Variants in KIR2DL1 observed in about 807,000 individuals in gnomAD.
KIR2DL1 encodes killer cell immunoglobulin-like receptor 2DL1.
In KIR2DL1, 38 loss-of-function variants were observed where a neutral mutation model predicts 33.9. The ratio of observed to expected loss-of-function variants is 1.12; its 90% CI spans 0.86 to 1.47. The LOEUF (loss-of-function observed/expected upper bound fraction) is 1.47, where lower values mean the gene tolerates loss of function less well. Ranked by LOEUF, KIR2DL1 falls within the 40% of genes most tolerant of loss-of-function variation. The pLI, the probability that KIR2DL1 is intolerant of heterozygous loss-of-function variation, is 0.00. For missense variants in KIR2DL1, 531 were observed against 433.9 expected (o/e 1.22, Z -1.99); for synonymous variants, 179 against 165.9 (o/e 1.08, Z -0.61).
intron 5 of KIR2DL1, among the ~76,000 whole-genome samples, chr19:54,780,361 G>T (rs898925336): frequency 1.5e-5 from 2 of 133,880 alleles, no homozygotes; most frequent in African/African-American, 2.9e-5. Flanking sequence ...AGCCATGAAG[G>T]CACAAAGGTG....
In KIR2DL1 at chr19:54,770,226, G is replaced by C. The variant is rs1299374393; in HGVS notation, c.34+342G>C. Among the ~76,000 whole-genome samples the C allele has an allele frequency of 2.8e-5, 4 of 141,908 alleles. No homozygotes were observed. In the Admixed American group the frequency reaches 2.9e-4, roughly 10 times the overall value. The allele number at this position is 141,908 out of a possible 152,430, so 93.1% of individuals were successfully genotyped here. A position where few individuals can be genotyped will look rare whatever the true frequency, so the allele number is the denominator to read the frequency against. The stretch of plus-strand genomic sequence containing the variant: ...GTCATGGGCCTGGAGGTGGAGTTAT[G>C]GGCCTGCAGTAGAGATATGGGCCTG... On this transcript the variant is annotated intron_variant, in intron 1 of 7. Transcript: ENST00000336077.
At chr19:54,777,152 G>A (rs1159415163) in intron 4 of KIR2DL1, among the ~76,000 whole-genome samples, 143 of 150,922 alleles carry the variant, frequency 9.5e-4, no homozygotes, top group African/African-American at 3.0e-3. Flanking sequence ...GTGCAGTGGC[G>A]CTATCTCGGC....
chr19:54,777,834 A>G (rs1303396393), intron 4 of KIR2DL1, among the ~76,000 whole-genome samples: 1 of 148,024 alleles, frequency 6.8e-6, no homozygotes, highest in East Asian at 1.9e-4. Context: ...ATCCATTTTC[A>G]TTTGATTTTT....
At position 54,782,925 on chromosome 19, in the gene KIR2DL1, AC is replaced by A; in HGVS notation, c.724del (p.Arg242AspfsTer6). The part of the protein sequence containing the change: ...SPTEPSSKTG[N>X]PRHLHILIGT... ...TTGGTGTCTCATCTTCTTCCAGGTA[AC>A]CCCCGACACCTGCACATTCTGATTG... On this transcript the variant is annotated frameshift_variant, in exon 6 of 8. Transcript: ENST00000336077. LOFTEE classifies it high-confidence loss of function. 6.2e-7 allele frequency: 1 copy of A among 1,608,856 alleles called. No homozygotes were observed. Among genetic ancestry groups the A allele is most frequent in the South Asian group, 1.1e-5 (1 of 90,890 alleles).
chr19:54,781,736 A>T (rs2076977126), intron 5 of KIR2DL1, among the ~76,000 whole-genome samples: 2 of 152,082 alleles, frequency 1.3e-5, no homozygotes, highest in Non-Finnish European at 2.9e-5. Flanking sequence ...GGGCTTCAAC[A>T]CTATTTCCTG....
chr19:54,773,685 T>C (rs1281839870), intron 3 of KIR2DL1, 53 bp downstream of exon 3: 2 of 1,511,078 alleles, frequency 1.3e-6, no homozygotes, highest in African/African-American at 1.4e-5. Context: ...GAGTGAATGA[T>C]CCAGGAATTG....
In KIR2DL1 at chr19:54,784,064, C is replaced by T; in HGVS notation, c.*251C>T. 1.6e-6 allele frequency: 1 copy of T among 624,606 alleles called. No individual in the cohort carries two copies. The highest frequency in any genetic ancestry group is 1.9e-5 in the South Asian group (1 of 51,498). The allele number at this position is 624,606 out of a possible 1,614,324, so 38.7% of individuals were successfully genotyped here. Reference sequence around the variant, plus strand: ...CCACAGTTCTCCATTTCACTTGACCCCTGCCCACCTCTCCAACCTAACTGG... The same window carrying T: ...CCACAGTTCTCCATTTCACTTGACCTCTGCCCACCTCTCCAACCTAACTGG... On this transcript the variant is annotated 3_prime_UTR_variant, in exon 8 of 8. Coordinates refer to ENST00000336077, the MANE Select transcript of KIR2DL1 (RefSeq NM_014218.3).
In KIR2DL1 at chr19:54,783,032, C is replaced by G. The variant is rs584011; in HGVS notation, c.817+9C>G. ...GTGCTCCAACAAAAAAAGTAAGTCT[C>G]ACGAAGCAGAGGCCAGAGAGCTCAG... On this transcript the variant is annotated intron_variant, in intron 6 of 7. Coordinates refer to ENST00000336077, the MANE Select transcript of KIR2DL1 (RefSeq NM_014218.3). The G allele has an allele frequency of 6.2e-7, 1 of 1,612,380 alleles. No homozygotes were observed. The highest frequency in any genetic ancestry group is 1.1e-5 in the South Asian group (1 of 91,060).
At chr19:54,773,184 C>T (rs1184876320) in intron 2 of KIR2DL1, 149 bp from the exon 3 acceptor site, 5 of 991,784 alleles carry the variant, frequency 5.0e-6, no homozygotes, top group Middle Eastern at 3.4e-4. Context: ...GGACCTGCAC[C>T]AGGAGTTATG....
rs1163118606 is a variant in KIR2DL1, at chr19:54,783,879, C to A, written c.*66C>A. ...ACAGCCCTGTCTCAAAACCGGGTTG[C>A]CAGCTCCCATGTACCAGCAGCTGGA... On this transcript the variant is annotated 3_prime_UTR_variant, in exon 8 of 8. Coordinates refer to ENST00000336077, the MANE Select transcript of KIR2DL1 (RefSeq NM_014218.3). 8 of 1,606,548 alleles carry A rather than the reference C, an allele frequency of 5.0e-6. No individual in the cohort carries two copies. The highest frequency in any genetic ancestry group is 1.3e-5 in the African/African-American group (1 of 74,644).
intron 2 of KIR2DL1, among the ~76,000 whole-genome samples, chr19:54,771,639 C>T (rs1339180253): frequency 6.8e-6 from 1 of 148,050 alleles, no homozygotes; most frequent in African/African-American, 2.5e-5. Context: ...TTGCTGTCTG[C>T]CTGGCCAAGC....
chr19:54,770,329 G>A (rs1289768478), intron 1 of KIR2DL1, among the ~76,000 whole-genome samples: 6 of 144,100 alleles, frequency 4.2e-5, no homozygotes, highest in African/African-American at 1.3e-4. Flanking sequence ...TCTGGGCCTG[G>A]AGTGGAGATA....
Position 54,779,881 on chromosome 19 carries a change from C to G in KIR2DL1, c.715+1219C>G, listed in dbSNP as rs577503886. Among the ~76,000 whole-genome samples the G allele has an allele frequency of 3.2e-5, 4 of 125,730 alleles. 1 individual carries two copies. Among genetic ancestry groups the G allele is most frequent in the Admixed American group, 8.4e-5 (1 of 11,960 alleles). 82.5% of individuals were successfully genotyped at this position (125,730 alleles called of 152,430 possible). ...AATGGTCCATTGGGAAGCATCTGTG[C>G]ATGAAATCTATTTTTTGTTTGTTCT... is the stretch of plus-strand genomic sequence containing the variant. On this transcript the variant is annotated intron_variant, in intron 5 of 7. Coordinates refer to ENST00000336077, the MANE Select transcript of KIR2DL1 (RefSeq NM_014218.3).
intron 3 of KIR2DL1, among the ~76,000 whole-genome samples, chr19:54,774,010 C>G: frequency 6.7e-6 from 1 of 148,664 alleles, no homozygotes; most frequent in East Asian, 1.9e-4. Context: ...CCAAGGACAC[C>G]CATATTTCTG....
intron 6 of KIR2DL1, among the ~76,000 whole-genome samples, 172 bp from the exon 7 acceptor site, chr19:54,783,314 G>A (rs2077258087): frequency 6.6e-6 from 1 of 152,048 alleles, no homozygotes; most frequent in African/African-American, 2.4e-5. Context: ...GGAACTCAGA[G>A]CTATTCATGG....
In KIR2DL1 at chr19:54,775,309, C is replaced by G. The variant is rs200879366; in HGVS notation, c.515C>G (p.Pro172Arg). 999 of 1,585,074 alleles carry G rather than the reference C, an allele frequency of 6.3e-4. 52 individuals are homozygous for G. Among genetic ancestry groups the G allele is most frequent in the Admixed American group, 5.9e-4 (35 of 59,104 alleles). ...GGGGAGGCCCATGAACGTAGGCTCC[C>G]TGCAGGGCCCAAGGTCAACGGAACA... ...REGEAHERRL[P>R]AGPKVNGTFQ... is the part of the protein sequence containing the mutation. The change falls in exon 4 of 8, where the codon CCT becomes CGT. Residue 172 changes from proline (P) to arginine (R), a missense_variant. Transcript: ENST00000336077.
At chr19:54,778,357 T>C (rs559461841) in intron 4 of KIR2DL1, among the ~76,000 whole-genome samples, 124 of 149,484 alleles carry the variant, frequency 8.3e-4, no homozygotes, top group Middle Eastern at 3.4e-3. Context: ...TATGCCAATG[T>C]CATGCTATTT....
At position 54,776,037 on chromosome 19, in the gene KIR2DL1, ACG is replaced by A. The variant is rs2076292393; in HGVS notation, c.664+581_664+582del. On this transcript the variant is annotated intron_variant, in intron 4 of 7. Transcript: ENST00000336077. ...CACCTGAGTAGCTAGTGCTACAGGC[ACG>A]CACCACCACGCCAGGCTACTTTTTG... Among the ~76,000 whole-genome samples the A allele has an allele frequency of 2.9e-5, 4 of 139,746 alleles. No individual in the cohort carries two copies. In the South Asian group the frequency reaches 7.0e-4, roughly 24 times the overall value. The allele number at this position is 139,746 out of a possible 152,430, so 91.7% of individuals were successfully genotyped here. A position where few individuals can be genotyped will look rare whatever the true frequency, so the allele number is the denominator to read the frequency against.
Position 54,769,848 on chromosome 19 carries a change from A to G in KIR2DL1, c.-3A>G, listed in dbSNP as rs781224162. 3.2e-6 allele frequency: 5 copies of G among 1,570,062 alleles called. No homozygotes were observed. Among genetic ancestry groups the G allele is most frequent in the Middle Eastern group, 1.7e-4 (1 of 5,926 alleles). On this transcript the variant is annotated 5_prime_UTR_variant, in exon 1 of 8. Coordinates refer to ENST00000336077, the MANE Select transcript of KIR2DL1 (RefSeq NM_014218.3). ...GCGGCTGCCTGTCTGCTCCGGCAGC[A>G]CCATGTCGCTCTTGGTCGTCAGCAT...
Sources: allele counts gnomAD v4.1 joint callset (sites outside exome capture counted in the v4.1 genomes callset), GRCh38; gene constraint gnomAD v4.1.1; transcripts MANE v1.5; gene names NCBI Gene and HGNC (gene_info 2026-07-23, HGNC 2026-07-21).